Variants in PTPRO observed in about 807,000 individuals in gnomAD.
The protein encoded by PTPRO is protein tyrosine phosphatase receptor type O.
PTPRO carries 62 observed loss-of-function variants against 145.2 expected under a neutral mutation model. That is an observed-to-expected ratio of 0.43 (90% CI 0.35 to 0.53). The LOEUF is 0.53. Ranked by LOEUF, PTPRO falls within the 20% of genes least tolerant of loss-of-function variation. PTPRO has a pLI of 0.01. For missense variants in PTPRO, 1,345 were observed against 1,482.7 expected (o/e 0.91, Z 1.53); for synonymous variants, 565 against 514.7 (o/e 1.10, Z -1.32).
At chr12:15,490,118 A>C (rs1308800862) in intron 2 of PTPRO, among the ~76,000 whole-genome samples, 1 of 152,232 alleles carries the variant, frequency 6.6e-6, no homozygotes, top group Non-Finnish European at 1.5e-5. Flanking sequence ...ATTTGAATGG[A>C]GAAAGCTCTC....
chr12:15,373,805 A>T (rs2136263541), intron 1 of PTPRO, among the ~76,000 whole-genome samples: 1 of 152,316 alleles, frequency 6.6e-6, no homozygotes, highest in South Asian at 2.1e-4. Flanking sequence ...AACAAAGATT[A>T]TCAAAAAATG....
chr12:15,488,839 A>G, intron 2 of PTPRO, among the ~76,000 whole-genome samples: 1 of 152,118 alleles, frequency 6.6e-6, no homozygotes, highest in Non-Finnish European at 1.5e-5. Flanking sequence ...TTGATTGAGA[A>G]CCTTCAGTAT....
chr12:15,377,115 G>A (rs1004625764), intron 1 of PTPRO, among the ~76,000 whole-genome samples: 6 of 152,146 alleles, frequency 3.9e-5, no homozygotes, highest in Admixed American at 3.3e-4. Flanking sequence ...TATTAACTTA[G>A]CGTTAATATG....
At chr12:15,431,630 G>A (rs11056481) in intron 1 of PTPRO, among the ~76,000 whole-genome samples, 13,240 of 152,080 alleles carry the variant, frequency 0.087, 605 homozygotes, top group Middle Eastern at 0.13. Flanking sequence ...AATTTTCAAA[G>A]CAAATGAAAA....
At chr12:15,446,105 A>G (rs1940894566) in intron 1 of PTPRO, among the ~76,000 whole-genome samples, 1 of 152,300 alleles carries the variant, frequency 6.6e-6, no homozygotes, top group Middle Eastern at 3.4e-3. Context: ...AATGCATAAT[A>G]GCAGTGCACT....
At chr12:15,448,537 A>G (rs1224145526) in intron 1 of PTPRO, among the ~76,000 whole-genome samples, 1 of 152,042 alleles carries the variant, frequency 6.6e-6, no homozygotes, top group Non-Finnish European at 1.5e-5. Context: ...AGTGTGCACA[A>G]GGTTGTGGAG....
At chr12:15,515,955 T>C (rs555413509) in intron 8 of PTPRO, among the ~76,000 whole-genome samples, 1 of 151,174 alleles carries the variant, frequency 6.6e-6, no homozygotes, top group East Asian at 1.9e-4. Context: ...AGTTGTTTGT[T>C]TTTTTTGTTT....
At chr12:15,579,915 G>T (rs1450547071) in intron 20 of PTPRO, 124 bp from the exon 21 acceptor site, 7 of 746,494 alleles carry the variant, frequency 9.4e-6, no homozygotes, top group Admixed American at 8.9e-5. Context: ...AAAATATCAG[G>T]CTAAAAATTA....
At chr12:15,349,829 A>G (rs1937736902) in intron 1 of PTPRO, among the ~76,000 whole-genome samples, 1 of 152,216 alleles carries the variant, frequency 6.6e-6, no homozygotes, top group Non-Finnish European at 1.5e-5. Flanking sequence ...TAAGCTTATT[A>G]TTGATTACAC....
At chr12:15,392,507 G>A (rs1939214313) in intron 1 of PTPRO, among the ~76,000 whole-genome samples, 1 of 151,916 alleles carries the variant, frequency 6.6e-6, no homozygotes, top group Non-Finnish European at 1.5e-5. Context: ...GATGATTTGA[G>A]ATGAAGAGTT....
intron 17 of PTPRO, among the ~76,000 whole-genome samples, chr12:15,564,998 GT>G (rs1943862157): frequency 6.6e-6 from 1 of 152,156 alleles, no homozygotes; most frequent in Non-Finnish European, 1.5e-5. Flanking sequence ...TTATAGACTA[GT>G]AATGATGAAG....
In PTPRO at chr12:15,322,627, C is replaced by A. The variant is rs1591699916; in HGVS notation, c.-100C>A. On this transcript the variant is annotated 5_prime_UTR_variant, in exon 1 of 27. Transcript: ENST00000281171. The surrounding 1 kb of genome is among the most constrained non-coding windows in gnomAD (Gnocchi z 6.3). Reference sequence around the variant, plus strand: ...ATGCGCTCGCCAGGAGCAACCTCGGCGCCCAGGGTCTGAGGCTGCAGCCCC... The same window carrying A: ...ATGCGCTCGCCAGGAGCAACCTCGGAGCCCAGGGTCTGAGGCTGCAGCCCC... 9.8e-7 allele frequency: 1 copy of A among 1,020,320 alleles called. No homozygotes were observed. Among genetic ancestry groups the A allele is most frequent in the Non-Finnish European group, 1.5e-6 (1 of 664,324 alleles). The allele number at this position is 1,020,320 out of a possible 1,614,324, so 63.2% of individuals were successfully genotyped here. A position where few individuals can be genotyped will look rare whatever the true frequency, so the allele number is the denominator to read the frequency against.
chr12:15,371,490 C>T (rs1938529217), intron 1 of PTPRO, among the ~76,000 whole-genome samples: 1 of 152,118 alleles, frequency 6.6e-6, no homozygotes, highest in Non-Finnish European at 1.5e-5. Flanking sequence ...GCCTCGGCCT[C>T]CCAAAATGCT....
chr12:15,487,209 G>A (rs1293258402), intron 2 of PTPRO, among the ~76,000 whole-genome samples: 1 of 152,080 alleles, frequency 6.6e-6, no homozygotes, highest in Non-Finnish European at 1.5e-5. Flanking sequence ...GATGTTAGAT[G>A]GGACATTCTT....
intron 12 of PTPRO, among the ~76,000 whole-genome samples, chr12:15,538,783 G>A (rs568077931): frequency 3.9e-5 from 6 of 152,312 alleles, no homozygotes; most frequent in African/African-American, 1.4e-4. Flanking sequence ...TGATTGGGAG[G>A]AAAACAGGTG....
At position 15,441,146 on chromosome 12, in the gene PTPRO, T is replaced by G. The variant is rs553722462; in HGVS notation, c.76-42828T>G. ...AAGTCTCAATGAAATAAATATCAAA[T>G]CAACCATACTCTCAAACCACAATAG... On this transcript the variant is annotated intron_variant, in intron 1 of 26. Transcript: ENST00000281171. Among the ~76,000 whole-genome samples the G allele has an allele frequency of 2.6e-5, 4 of 151,156 alleles. No individual in the cohort carries two copies. The East Asian group carries it at 7.8e-4, about 29-fold the overall frequency.
At chr12:15,491,789 A>G (rs1274409699) in intron 2 of PTPRO, among the ~76,000 whole-genome samples, 1 of 152,186 alleles carries the variant, frequency 6.6e-6, no homozygotes, top group African/African-American at 2.4e-5. Flanking sequence ...AAGCAGGGAA[A>G]TGGGCTGAAG....
chr12:15,518,398 G>T (rs1195448580), intron 9 of PTPRO, among the ~76,000 whole-genome samples: 3 of 152,236 alleles, frequency 2.0e-5, no homozygotes, highest in Admixed American at 1.3e-4. Flanking sequence ...CCTGTGATGG[G>T]AGGGGCTTCC....
chr12:15,480,261 G>A (rs1198171665), intron 1 of PTPRO, among the ~76,000 whole-genome samples: 1 of 151,996 alleles, frequency 6.6e-6, no homozygotes, highest in Non-Finnish European at 1.5e-5. Flanking sequence ...TCCAAAACCT[G>A]GATTTTCTCT....
Sources: gnomAD v4.1 joint callset for allele counts (sites outside exome capture counted in the v4.1 genomes callset) on GRCh38, gnomAD v4.1.1 for gene constraint, Gnocchi (gnomAD v3.1) non-coding constraint, MANE v1.5 for transcripts, NCBI Gene and HGNC (gene_info 2026-07-23, HGNC 2026-07-21) for gene names.